Variants in MAGI2 observed in about 807,000 individuals in gnomAD.
MAGI2 encodes membrane associated guanylate kinase, WW and PDZ domain containing 2, also known as membrane-associated guanylate kinase, WW and PDZ domain-containing protein 2.
A neutral mutation model predicts 133.3 loss-of-function variants in MAGI2; 35 were observed. The ratio of observed to expected loss-of-function variants is 0.26; its 90% CI spans 0.20 to 0.35. The LOEUF is 0.35. Ranked by LOEUF, MAGI2 falls within the 10% of genes least tolerant of loss-of-function variation. MAGI2 has a pLI of 1.00. For synonymous variants in MAGI2, 729 were observed against 710.6 expected, an observed-to-expected ratio of 1.03 and a Z score of -0.41; for missense variants, 1,636 against 1,863.4, an observed-to-expected ratio of 0.88 and a Z score of 2.25.
intron 2 of MAGI2, among the ~76,000 whole-genome samples, chr7:78,980,878 G>C (rs1804725127): frequency 6.6e-6 from 1 of 151,562 alleles, no homozygotes; most frequent in Admixed American, 6.6e-5. Flanking sequence ...AGTCTAAAGA[G>C]TATTTTGGCC....
At chr7:78,326,581 G>A (rs903936126) in intron 9 of MAGI2, among the ~76,000 whole-genome samples, 1 of 152,090 alleles carries the variant, frequency 6.6e-6, no homozygotes, top group African/African-American at 2.4e-5. Flanking sequence ...TGAGGAAAAT[G>A]GACTCGATCC....
chr7:78,503,002 C>G (rs541403331), intron 4 of MAGI2, among the ~76,000 whole-genome samples: 1 of 152,152 alleles, frequency 6.6e-6, no homozygotes, highest in East Asian at 1.9e-4. Context: ...TTCCAAACTA[C>G]AATGTTAAAA....
At chr7:78,703,747 T>C (rs1302044345) in intron 2 of MAGI2, among the ~76,000 whole-genome samples, 1 of 152,028 alleles carries the variant, frequency 6.6e-6, no homozygotes, top group Non-Finnish European at 1.5e-5. Flanking sequence ...TTATATACCA[T>C]GCCACCATGG....
intron 1 of MAGI2, among the ~76,000 whole-genome samples, chr7:79,079,150 T>C (rs562839196): frequency 6.6e-6 from 1 of 152,208 alleles, no homozygotes; most frequent in East Asian, 1.9e-4. Flanking sequence ...TTCTCAGCTG[T>C]TTATAATATA....
intron 21 of MAGI2, among the ~76,000 whole-genome samples, chr7:78,067,457 C>A (rs987544620): frequency 2.6e-5 from 4 of 152,160 alleles, no homozygotes; most frequent in African/African-American, 7.2e-5. Context: ...TGTGTCCAAT[C>A]CTAAAACCCA....
At chr7:78,111,645 T>C (rs1003899437) in intron 20 of MAGI2, among the ~76,000 whole-genome samples, 2 of 152,256 alleles carry the variant, frequency 1.3e-5, no homozygotes, top group African/African-American at 4.8e-5. Flanking sequence ...ACAGTGCTCA[T>C]AGGTCAGACT....
chr7:79,404,320 C>T (rs1585857956), intron 1 of MAGI2, among the ~76,000 whole-genome samples: 1 of 151,612 alleles, frequency 6.6e-6, no homozygotes, highest in East Asian at 1.9e-4. Flanking sequence ...TCAAATATTC[C>T]TCTCCTTCCC....
chr7:78,571,361 A>C (rs1801478781), intron 3 of MAGI2, among the ~76,000 whole-genome samples: 1 of 152,210 alleles, frequency 6.6e-6, no homozygotes, highest in Admixed American at 6.5e-5. Context: ...CTTTGGAATG[A>C]ATATTGGATT....
At chr7:78,291,961 C>T (rs1324986511) in intron 9 of MAGI2, among the ~76,000 whole-genome samples, 5 of 152,222 alleles carry the variant, frequency 3.3e-5, no homozygotes, top group Admixed American at 2.6e-4. Flanking sequence ...TTATGACAAA[C>T]CCACAGCCAA....
At chr7:78,373,441 G>T (rs1459036931) in intron 6 of MAGI2, among the ~76,000 whole-genome samples, 1 of 152,122 alleles carries the variant, frequency 6.6e-6, no homozygotes, top group African/African-American at 2.4e-5. Flanking sequence ...AATGTTAGGG[G>T]CAGCTAAGTG....
intron 3 of MAGI2, among the ~76,000 whole-genome samples, chr7:78,593,770 C>G (rs1804299623): frequency 6.6e-6 from 1 of 152,132 alleles, no homozygotes. Flanking sequence ...CATACATTGG[C>G]ATTTAAAAAA....
intron 2 of MAGI2, among the ~76,000 whole-genome samples, chr7:78,742,622 A>G (rs913513363): frequency 2.0e-5 from 3 of 152,212 alleles, no homozygotes; most frequent in Non-Finnish European, 4.4e-5. Flanking sequence ...AGCTTGAATG[A>G]AGATGTAAAG....
chr7:78,653,432 C>T (rs1224454371), intron 2 of MAGI2, among the ~76,000 whole-genome samples: 1 of 152,118 alleles, frequency 6.6e-6, no homozygotes, highest in Non-Finnish European at 1.5e-5. Flanking sequence ...GGCACATATA[C>T]ATTATGGAAT....
intron 6 of MAGI2, among the ~76,000 whole-genome samples, chr7:78,441,367 A>G (rs1160997275): frequency 6.6e-6 from 1 of 152,222 alleles, no homozygotes; most frequent in Admixed American, 6.5e-5. Flanking sequence ...GGGGTAAAGC[A>G]GAGAAAAGGG....
At chr7:79,113,660 G>A (rs749089595) in intron 1 of MAGI2, among the ~76,000 whole-genome samples, 7 of 152,148 alleles carry the variant, frequency 4.6e-5, no homozygotes, top group Admixed American at 6.5e-5. Flanking sequence ...ATCTTATAGA[G>A]CATGATAAAA....
intron 10 of MAGI2, among the ~76,000 whole-genome samples, chr7:78,202,599 C>G (rs1409402820): frequency 1.4e-5 from 2 of 141,220 alleles, no homozygotes. Flanking sequence ...AGGAGAATCG[C>G]TGGAACTCGG....
At chr7:78,212,960 C>A (rs1787915163) in intron 10 of MAGI2, among the ~76,000 whole-genome samples, 1 of 152,162 alleles carries the variant, frequency 6.6e-6, no homozygotes, top group South Asian at 2.1e-4. Context: ...ACAGCGTGAG[C>A]CACCACACCC....
intron 2 of MAGI2, among the ~76,000 whole-genome samples, chr7:78,659,515 C>A (rs1261668110): frequency 6.7e-6 from 1 of 149,798 alleles, no homozygotes; most frequent in Non-Finnish European, 1.5e-5. Context: ...AGAATTATGC[C>A]AAATGAAAAA....
intron 3 of MAGI2, among the ~76,000 whole-genome samples, chr7:78,545,151 TAA>T (rs1410467778): frequency 6.6e-6 from 1 of 151,562 alleles, no homozygotes; most frequent in Non-Finnish European, 1.5e-5. Flanking sequence ...CTTGAAATTA[TAA>T]GTCTTCAGCA....
Sources: allele counts gnomAD v4.1 joint callset (sites outside exome capture counted in the v4.1 genomes callset), GRCh38; gene constraint gnomAD v4.1.1; transcripts MANE v1.5; gene names NCBI Gene and HGNC (gene_info 2026-07-23, HGNC 2026-07-21).